Variants in KIAA1217 observed in about 807,000 individuals in gnomAD.
The protein encoded by KIAA1217 is sickle tail protein homolog.
Under a neutral mutation model 163.9 loss-of-function variants are expected in KIAA1217, and 88 were observed. The ratio of observed to expected loss-of-function variants is 0.54; its 90% CI spans 0.45 to 0.64. The LOEUF is 0.64. KIAA1217 is among the 30% of genes least tolerant of loss of function. The pLI is 0.00. For missense variants in KIAA1217, 2,372 were observed against 2,475.0 expected, an observed-to-expected ratio of 0.96 and a Z score of 0.88; for synonymous variants, 903 against 923.1, an observed-to-expected ratio of 0.98 and a Z score of 0.39.
At chr10:24,434,962 C>G (rs1161121978) in intron 4 of KIAA1217, among the ~76,000 whole-genome samples, 1 of 152,196 alleles carries the variant, frequency 6.6e-6, no homozygotes, top group African/African-American at 2.4e-5. Flanking sequence ...GTTCCCTCAC[C>G]AAATCACTGG....
intron 1 of KIAA1217, among the ~76,000 whole-genome samples, chr10:23,882,513 T>C (rs1413376966): frequency 1.3e-5 from 2 of 151,948 alleles, no homozygotes; most frequent in Non-Finnish European, 2.9e-5. Flanking sequence ...GAATTATGAT[T>C]GTTTTATGTT....
Position 24,433,083 on chromosome 10 carries a change from C to T in KIAA1217, c.642C>T (p.Phe214=), listed in dbSNP as rs557446832. ...ITSADTIRAL[F]VSAFPQQLTM... ...GTGCAGACACAATCCGTGCTCTCTT[C>T]GTAAGTGCCTTTCCACAGCAGCTCA... is the stretch of plus-strand genomic sequence containing the variant. Residue 214 remains phenylalanine, a synonymous_variant, in exon 4 of 21, where the codon TTC becomes TTT. Coordinates refer to ENST00000376454, the MANE Select transcript of KIAA1217 (RefSeq NM_019590.5). 6.1e-5 allele frequency: 99 copies of T among 1,614,110 alleles called. 1 individual carries two copies. In the Admixed American group the frequency reaches 1.1e-3, roughly 19 times the overall value.
intron 5 of KIAA1217, among the ~76,000 whole-genome samples, chr10:24,454,882 T>C (rs2061649185): frequency 6.6e-6 from 1 of 151,972 alleles, no homozygotes; most frequent in Admixed American, 6.6e-5. Context: ...AAAAATCTGC[T>C]CCACTGCAAC....
chr10:24,094,416 A>G (rs1030552176), intron 2 of KIAA1217, among the ~76,000 whole-genome samples: 28 of 152,240 alleles, frequency 1.8e-4, no homozygotes, highest in African/African-American at 6.7e-4. Flanking sequence ...TTTGGTGTGG[A>G]TGTCCTTTCT....
At chr10:24,062,302 C>A (rs571224170) in intron 2 of KIAA1217, among the ~76,000 whole-genome samples, 183 of 110,616 alleles carry the variant, frequency 1.7e-3, no homozygotes, top group Non-Finnish European at 2.7e-3. Flanking sequence ...CCCCACCCCA[C>A]AACCATCCCC....
chr10:23,754,962 C>A (rs1379396414), intron 1 of KIAA1217, among the ~76,000 whole-genome samples: 4 of 146,124 alleles, frequency 2.7e-5, no homozygotes, highest in South Asian at 2.2e-4. Flanking sequence ...AAAAAAAAAA[C>A]AATTGGCAAA....
chr10:24,476,050 C>A (rs1313033398), intron 6 of KIAA1217, among the ~76,000 whole-genome samples: 4 of 152,144 alleles, frequency 2.6e-5, no homozygotes, highest in African/African-American at 9.7e-5. Context: ...TTTGCCATGA[C>A]CATATTGAAC....
At chr10:23,773,086 A>G (rs965192676) in intron 1 of KIAA1217, among the ~76,000 whole-genome samples, 2 of 152,134 alleles carry the variant, frequency 1.3e-5, no homozygotes, top group African/African-American at 4.8e-5. Context: ...ATAAGAATGG[A>G]CATTGAGGAA....
intron 2 of KIAA1217, among the ~76,000 whole-genome samples, chr10:24,128,955 C>T (rs1311536730): frequency 6.6e-6 from 1 of 152,198 alleles, no homozygotes; most frequent in African/African-American, 2.4e-5. Context: ...TCAAGAGAAT[C>T]AGAATTAACC....
rs567723586 is a variant in KIAA1217 at position 24,404,141 on chromosome 10, T to C, written c.553+23074T>C. On this transcript the variant is annotated intron_variant, in intron 3 of 20. Coordinates refer to ENST00000376454, the MANE Select transcript of KIAA1217 (RefSeq NM_019590.5). ...CCCAGCTAATTTTTTGTATTTATTTTAGACACAGGGTTTCACCATGCTACG... is the reference window on the plus strand; with the variant it reads ...CCCAGCTAATTTTTTGTATTTATTTCAGACACAGGGTTTCACCATGCTACG... 1.2e-3 allele frequency among the ~76,000 whole-genome samples: 186 copies of C among 152,280 alleles called. 1 individual carries two copies. Among genetic ancestry groups the C allele is most frequent in the African/African-American group, 4.3e-3 (180 of 41,568 alleles).
intron 14 of KIAA1217, among the ~76,000 whole-genome samples, chr10:24,530,151 A>G (rs2072904792): frequency 6.6e-6 from 1 of 152,116 alleles, no homozygotes; most frequent in Admixed American, 6.6e-5. Context: ...TAATTTTGTC[A>G]TAGAGTCCTT....
chr10:23,748,369 A>G (rs1201082049), intron 1 of KIAA1217, among the ~76,000 whole-genome samples: 2 of 151,286 alleles, frequency 1.3e-5, no homozygotes, highest in Non-Finnish European at 2.9e-5. Context: ...ACCCCATGTG[A>G]TTTGTTTACC....
chr10:23,705,474 T>C (rs7085380), intron 1 of KIAA1217, among the ~76,000 whole-genome samples: 21,812 of 152,148 alleles, frequency 0.14, 2,724 homozygotes, highest in African/African-American at 0.33. Flanking sequence ...TGCATGTGGA[T>C]ATTCAATTGT....
intron 1 of KIAA1217, among the ~76,000 whole-genome samples, chr10:23,856,730 C>T (rs964967562): frequency 2.0e-5 from 3 of 152,388 alleles, no homozygotes; most frequent in African/African-American, 7.2e-5. Context: ...GCCCCTCCCC[C>T]AGCCTCGCTG....
At chr10:23,914,451 A>G (rs774255569) in intron 1 of KIAA1217, among the ~76,000 whole-genome samples, 2 of 152,038 alleles carry the variant, frequency 1.3e-5, no homozygotes, top group Non-Finnish European at 2.9e-5. Flanking sequence ...AGTAGCTGGG[A>G]TTACAGGTGC....
chr10:23,763,128 G>T (rs1399232112), intron 1 of KIAA1217, among the ~76,000 whole-genome samples: 1 of 152,080 alleles, frequency 6.6e-6, no homozygotes. Flanking sequence ...GAAACAAATG[G>T]AAAAACACTC....
At chr10:23,811,723 A>G (rs1837064637) in intron 1 of KIAA1217, among the ~76,000 whole-genome samples, 1 of 151,980 alleles carries the variant, frequency 6.6e-6, no homozygotes, top group Non-Finnish European at 1.5e-5. Flanking sequence ...CATGAATGCT[A>G]GAGACACTCA....
Position 24,303,860 on chromosome 10 carries a change from A to G in KIAA1217, c.355-77009A>G, listed in dbSNP as rs570673502. 1.9e-4 allele frequency among the ~76,000 whole-genome samples: 29 copies of G among 152,318 alleles called. 1 individual carries two copies. The highest frequency in any genetic ancestry group is 6.5e-4 in the African/African-American group (27 of 41,572). On this transcript the variant is annotated intron_variant, in intron 2 of 20. Transcript: ENST00000376454. Reference sequence around the variant, plus strand: ...GTGTGTGGTTTTCTGAATGTGGCCTACAGTTTCACTTGGATCTTCATATTC... The same window carrying G: ...GTGTGTGGTTTTCTGAATGTGGCCTGCAGTTTCACTTGGATCTTCATATTC...
intron 2 of KIAA1217, among the ~76,000 whole-genome samples, chr10:24,370,897 C>G (rs998836919): frequency 6.6e-6 from 1 of 152,050 alleles, no homozygotes; most frequent in African/African-American, 2.4e-5. Flanking sequence ...AATTTTGTAT[C>G]GGCAAAACGA....
Sources: gnomAD v4.1 joint callset for allele counts (sites outside exome capture counted in the v4.1 genomes callset) on GRCh38, gnomAD v4.1.1 for gene constraint, MANE v1.5 for transcripts, NCBI Gene and HGNC (gene_info 2026-07-23, HGNC 2026-07-21) for gene names.